Variants in BMP3 observed in about 807,000 individuals in gnomAD.
BMP3 encodes the protein bone morphogenetic protein 3 (osteogenic).
A neutral mutation model predicts 38.1 loss-of-function variants in BMP3; 23 were observed. The observed-to-expected ratio is 0.60, with a 90% CI of 0.43 to 0.86. The LOEUF (loss-of-function observed/expected upper bound fraction) is 0.86. Ranked by LOEUF, BMP3 falls within the 40% of genes least tolerant of loss-of-function variation. BMP3 has a pLI of 0.00. For missense variants in BMP3, 628 were observed against 579.6 expected (o/e 1.08, Z -0.86); for synonymous variants, 258 against 225.7 (o/e 1.14, Z -1.28).
At chr4:81,042,693 AGGATT>A (rs1740111964) in intron 1 of BMP3, among the ~76,000 whole-genome samples, 1 of 152,220 alleles carries the variant, frequency 6.6e-6, no homozygotes, top group Non-Finnish European at 1.5e-5. Context: ...GGCAAAGGGC[AGGATT>A]GGTTTACCCA....
chr4:81,049,886 A>G (rs1014030007), intron 2 of BMP3, among the ~76,000 whole-genome samples: 2 of 152,178 alleles, frequency 1.3e-5, no homozygotes, highest in African/African-American at 4.8e-5. Context: ...CAGACTTTAG[A>G]TATAGTTTTT....
At position 81,053,359 on chromosome 4, in the gene BMP3, A is replaced by G. The variant is rs372314296; in HGVS notation, c.1242A>G (p.Ser414=). 4 of 1,571,174 alleles carry G rather than the reference A, an allele frequency of 2.5e-6. No homozygotes were observed. Among genetic ancestry groups the G allele is most frequent in the Non-Finnish European group, 3.4e-6 (4 of 1,164,562 alleles). The part of the protein sequence containing the change: ...QFPMPKSLKP[S]NHATIQSIVR... ...TCTTTCTCTAGTCTTTGAAGCCATCAAATCATGCTACCATCCAGAGTATAG... is the reference window on the plus strand; with the variant it reads ...TCTTTCTCTAGTCTTTGAAGCCATCGAATCATGCTACCATCCAGAGTATAG... The change falls in exon 3 of 3, where the codon TCA becomes TCG. Residue 414 remains serine (S), a synonymous_variant. Transcript: ENST00000282701.
intron 2 of BMP3, among the ~76,000 whole-genome samples, chr4:81,046,887 G>GA (rs1016745142): frequency 1.3e-5 from 2 of 152,120 alleles, no homozygotes; most frequent in African/African-American, 4.8e-5. Flanking sequence ...AAGGATATGA[G>GA]AAAAAAACAT....
Position 81,054,076 on chromosome 4 carries a change from T to G in BMP3, c.*540T>G, listed in dbSNP as rs1397326999. On this transcript the variant is annotated 3_prime_UTR_variant, in exon 3 of 3. Transcript: ENST00000282701. The stretch of plus-strand genomic sequence containing the variant: ...TTGTCTAAGTGTAATGGAAAGTTTA[T>G]GCTGAGCGTTAGTGTGTATGTATGT... 1 of 152,832 alleles carries G rather than the reference T, an allele frequency of 6.5e-6. No individual in the cohort carries two copies. The highest frequency in any genetic ancestry group is 6.6e-5 in the Admixed American group (1 of 15,264). The allele number at this position is 152,832 out of a possible 1,614,324, so 9.5% of individuals were successfully genotyped here.
chr4:81,034,686 A>C (rs529638486), intron 1 of BMP3, among the ~76,000 whole-genome samples: 1 of 152,174 alleles, frequency 6.6e-6, no homozygotes, highest in Non-Finnish European at 1.5e-5. Context: ...CACATACTTC[A>C]TAGATTTAAA....
chr4:81,034,547 A>G (rs1386149616), intron 1 of BMP3, among the ~76,000 whole-genome samples: 1 of 152,176 alleles, frequency 6.6e-6, no homozygotes, highest in African/African-American at 2.4e-5. Flanking sequence ...CCTTTTCTTA[A>G]TGACAAATAT....
chr4:81,045,020 T>C (rs1740192263), intron 1 of BMP3, among the ~76,000 whole-genome samples: 1 of 152,228 alleles, frequency 6.6e-6, no homozygotes, highest in African/African-American at 2.4e-5. Flanking sequence ...GTTTAACTTT[T>C]TGAGGAACTG....
At chr4:81,049,384 T>A (rs1291163163) in intron 2 of BMP3, among the ~76,000 whole-genome samples, 2 of 152,154 alleles carry the variant, frequency 1.3e-5, no homozygotes, top group Non-Finnish European at 2.9e-5. Flanking sequence ...GGAGGTTTAT[T>A]TGGAGAGTAA....
Position 81,053,608 on chromosome 4 carries a change from T to TTG in BMP3, c.*73_*74insGT. On this transcript the variant is annotated 3_prime_UTR_variant, in exon 3 of 3. Coordinates refer to ENST00000282701, the MANE Select transcript of BMP3 (RefSeq NM_001201.5). ...TTTTATGGACTTCTTCCTGTTTTTT[T>TTG]TTTTTTTTTTTTTGCACTGCCAATG... The TTG allele has an allele frequency of 7.5e-6, 6 of 799,708 alleles. No homozygotes were observed. The highest frequency in any genetic ancestry group is 1.1e-5 in the Non-Finnish European group (6 of 568,260). The allele number at this position is 799,708 out of a possible 1,614,324, so 49.5% of individuals were successfully genotyped here. A position where few individuals can be genotyped will look rare whatever the true frequency, so the allele number is the denominator to read the frequency against.
At chr4:81,044,132 C>A (rs1266012598) in intron 1 of BMP3, among the ~76,000 whole-genome samples, 1 of 152,126 alleles carries the variant, frequency 6.6e-6, no homozygotes, top group African/African-American at 2.4e-5. Context: ...GTACTCGAAT[C>A]AAGGTGAGTG....
rs757371167 is a variant in BMP3, at chr4:81,045,846, T to A, written c.425T>A (p.Ile142Asn). 2.2e-5 allele frequency: 36 copies of A among 1,614,040 alleles called. No homozygotes were observed. The highest frequency in any genetic ancestry group is 5.9e-6 in the Non-Finnish European group (7 of 1,180,024). Residue 142 changes from isoleucine to asparagine, a missense_variant, in exon 2 of 3, where the codon ATC (isoleucine) becomes AAC (asparagine). Ile to Asn is a moderately radical substitution (Grantham distance 149). Transcript: ENST00000282701. Reference sequence around the variant, plus strand: ...TTCTGTATTGGAGAGCTAGGAAACATCAGCCTGAGTTGTCCAGTGTCTGGA... The same window carrying A: ...TTCTGTATTGGAGAGCTAGGAAACAACAGCCTGAGTTGTCCAGTGTCTGGA... ...LYFCIGELGN[I>N]SLSCPVSGGC... is the part of the protein sequence containing the mutation.
In BMP3 at chr4:81,050,730, T is replaced by C. The variant is rs372365214; in HGVS notation, c.1228-2615T>C. Among the ~76,000 whole-genome samples the C allele has an allele frequency of 2.4e-4, 36 of 152,304 alleles. 1 individual carries two copies. The South Asian group carries it at 7.0e-3, about 30-fold the overall frequency. On this transcript the variant is annotated intron_variant, in intron 2 of 2. Transcript: ENST00000282701. Reference sequence around the variant, plus strand: ...GAACTCCAAAAACATTAAATCTTGATGTGCTAAGTTACTTAAGCAAAAAAT... The same window carrying C: ...GAACTCCAAAAACATTAAATCTTGACGTGCTAAGTTACTTAAGCAAAAAAT...
At position 81,031,210 on chromosome 4, in the gene BMP3, C is replaced by T. The variant is rs1739746561; in HGVS notation, c.-75C>T. Reference sequence around the variant, plus strand: ...TGGTTTGGAGTTCAACCCTCGGCTCCGCCGCCGGCTCCTTGCGCCTTCGGA... The same window carrying T: ...TGGTTTGGAGTTCAACCCTCGGCTCTGCCGCCGGCTCCTTGCGCCTTCGGA... On this transcript the variant is annotated 5_prime_UTR_variant, in exon 1 of 3. Coordinates refer to ENST00000282701, the MANE Select transcript of BMP3 (RefSeq NM_001201.5). 2.4e-5 allele frequency: 34 copies of T among 1,442,280 alleles called. No homozygotes were observed. Among genetic ancestry groups the T allele is most frequent in the Non-Finnish European group, 3.1e-5 (34 of 1,089,636 alleles). The allele number at this position is 1,442,280 out of a possible 1,614,324, so 89.3% of individuals were successfully genotyped here. A position where few individuals can be genotyped will look rare whatever the true frequency, so the allele number is the denominator to read the frequency against.
rs1047510200 is a variant in BMP3, at chr4:81,031,598, C to A, written c.314C>A (p.Ala105Glu). 10 of 1,588,314 alleles carry A rather than the reference C, an allele frequency of 6.3e-6. No individual in the cohort carries two copies. Among genetic ancestry groups the A allele is most frequent in the Non-Finnish European group, 8.6e-6 (10 of 1,169,192 alleles). The change falls in exon 1 of 3, where the codon GCA becomes GAA. Residue 105 changes from alanine to glutamate, a missense_variant and splice_region_variant. By Grantham distance (107) the Ala-to-Glu change is moderately radical. Coordinates refer to ENST00000282701, the MANE Select transcript of BMP3 (RefSeq NM_001201.5). ...NTVRSFRAAA[A>E]ETLERKGLYI... ...GTTCGCAGCTTTCGGGCGGCAGCAG[C>A]AGGTGAGTGCGCGAGGTGAGACTCC...
At chr4:81,041,829 G>C (rs1398076596) in intron 1 of BMP3, among the ~76,000 whole-genome samples, 3 of 152,128 alleles carry the variant, frequency 2.0e-5, no homozygotes, top group Non-Finnish European at 4.4e-5. Context: ...CTGGTCCAAA[G>C]ATTACTTCCT....
At chr4:81,050,994 G>T (rs1444415808) in intron 2 of BMP3, among the ~76,000 whole-genome samples, 1 of 145,080 alleles carries the variant, frequency 6.9e-6, no homozygotes, top group Non-Finnish European at 1.5e-5. Context: ...TTAATGGCAG[G>T]TTGATCAGAG....
Position 81,046,317 on chromosome 4 carries a change from A to G in BMP3, c.896A>G (p.Asn299Ser). ...ACTGGGGTCTTGCTGCCTCTGCAGA[A>G]CAACGAGCTTCCTGGGGCAGAATAC... ...RSTGVLLPLQ[N>S]NELPGAEYQY... The change falls in exon 2 of 3, where the codon AAC (asparagine) becomes AGC (serine). Residue 299 changes from asparagine (N) to serine (S), a missense_variant. Transcript: ENST00000282701. 1.2e-6 allele frequency: 2 copies of G among 1,614,102 alleles called. No individual in the cohort carries two copies. Among genetic ancestry groups the G allele is most frequent in the Middle Eastern group, 1.7e-4 (1 of 6,058 alleles).
intron 1 of BMP3, among the ~76,000 whole-genome samples, chr4:81,045,202 A>C (rs549900570): frequency 6.6e-6 from 1 of 152,170 alleles, no homozygotes; most frequent in East Asian, 1.9e-4. Context: ...TGTTTCCCTG[A>C]TGGCTAATGA....
At chr4:81,040,001 T>G (rs1740027322) in intron 1 of BMP3, among the ~76,000 whole-genome samples, 1 of 151,972 alleles carries the variant, frequency 6.6e-6, no homozygotes, top group African/African-American at 2.4e-5. Flanking sequence ...AGGAGAAAAA[T>G]CGTGGGTAGA....
Sources: allele counts gnomAD v4.1 joint callset (sites outside exome capture counted in the v4.1 genomes callset), GRCh38; gene constraint gnomAD v4.1.1; transcripts MANE v1.5; gene names NCBI Gene and HGNC (gene_info 2026-07-23, HGNC 2026-07-21).